Variants in FRK observed in about 807,000 individuals in gnomAD.
The protein encoded by FRK is tyrosine-protein kinase FRK.
A neutral mutation model predicts 56.4 loss-of-function variants in FRK; 51 were observed. That is an observed-to-expected ratio of 0.90 (90% confidence interval 0.72 to 1.14). FRK has a LOEUF of 1.14. Ranked by LOEUF, FRK falls within the 50% of genes most tolerant of loss-of-function variation. The pLI, the probability that FRK is intolerant of heterozygous loss-of-function variation, is 0.00. For missense variants in FRK, 570 were observed against 601.4 expected, an observed-to-expected ratio of 0.95 and a Z score of 0.55; for synonymous variants, 245 against 217.9, an observed-to-expected ratio of 1.12 and a Z score of -1.10.
At chr6:115,949,235 G>A (rs928906285) in intron 5 of FRK, among the ~76,000 whole-genome samples, 2 of 150,376 alleles carry the variant, frequency 1.3e-5, no homozygotes, top group Non-Finnish European at 3.0e-5. Flanking sequence ...TACAAATAGC[G>A]ATAATATGAC....
At chr6:115,963,081 A>AAC (rs1773446316) in intron 4 of FRK, among the ~76,000 whole-genome samples, 2 of 57,322 alleles carry the variant, frequency 3.5e-5, no homozygotes, top group Non-Finnish European at 7.1e-5. Context: ...ACACAAAAAA[A>AAC]CCTTCAAAAA....
At chr6:115,954,270 G>T (rs547392457) in intron 5 of FRK, among the ~76,000 whole-genome samples, 1 of 152,202 alleles carries the variant, frequency 6.6e-6, no homozygotes, top group East Asian at 1.9e-4. Flanking sequence ...GATGAGATCC[G>T]AGAGGGAATA....
intron 2 of FRK, among the ~76,000 whole-genome samples, chr6:115,978,376 G>A (rs1774063070): frequency 6.6e-6 from 1 of 152,056 alleles, no homozygotes; most frequent in Non-Finnish European, 1.5e-5. Flanking sequence ...GTAGATGAAG[G>A]AAATAAGACA....
chr6:116,092,392 G>A, the FRK span, among the ~76,000 whole-genome samples: 1 of 152,110 alleles, frequency 6.6e-6, no homozygotes, highest in African/African-American at 2.4e-5. Flanking sequence ...CATTTTTGGG[G>A]CATAACATCT....
chr6:116,085,747 A>C, the FRK span, among the ~76,000 whole-genome samples: 1 of 152,142 alleles, frequency 6.6e-6, no homozygotes, highest in Non-Finnish European at 1.5e-5. Context: ...CCACAGAGAG[A>C]GAGGGAGAGA....
the FRK span, among the ~76,000 whole-genome samples, chr6:116,082,319 A>T: frequency 6.6e-6 from 1 of 152,228 alleles, no homozygotes; most frequent in South Asian, 2.1e-4. Flanking sequence ...GGAAGGATAT[A>T]AACAGAAGGC....
chr6:116,062,970 GCCT>G (rs1562313157), upstream of FRK, among the ~76,000 whole-genome samples: 1 of 152,176 alleles, frequency 6.6e-6, no homozygotes, highest in East Asian at 1.9e-4. Context: ...TATTCCAGAG[GCCT>G]CCTAACTGAT....
intron 2 of FRK, among the ~76,000 whole-genome samples, chr6:116,000,299 A>G (rs1402607796): frequency 7.9e-6 from 1 of 126,790 alleles, no homozygotes; most frequent in Non-Finnish European, 1.6e-5. Context: ...ATGGAGTACA[A>G]TGGCGTGACC....
intron 2 of FRK, among the ~76,000 whole-genome samples, chr6:115,989,500 G>T (rs182928157): frequency 6.6e-6 from 1 of 151,840 alleles, no homozygotes; most frequent in Non-Finnish European, 1.5e-5. Flanking sequence ...TTATGTTCAT[G>T]TACCCATGGT....
In FRK at chr6:115,936,297, C is replaced by A. The variant is rs939500371; in HGVS notation, c.*6117G>T. 2 of 152,108 alleles carry A rather than the reference C, an allele frequency of 1.3e-5. No individual in the cohort carries two copies. Among genetic ancestry groups the A allele is most frequent in the African/African-American group, 4.8e-5 (2 of 41,414 alleles). The allele number at this position is 152,108 out of a possible 1,614,324, so 9.4% of individuals were successfully genotyped here. ...TAACAAACAGAAAGGAATAGTATGT[C>A]CACTCAGAGACCCCATCCGAACATC... is the stretch of plus-strand genomic sequence containing the variant. On this transcript the variant is annotated 3_prime_UTR_variant, in exon 8 of 8. Transcript: ENST00000606080.
chr6:116,004,094 G>T, intron 1 of FRK, 96 bp from the exon 2 acceptor site: 1 of 1,109,152 alleles, frequency 9.0e-7, no homozygotes. Context: ...TATCAAAAAT[G>T]TTTGGTATTC....
At chr6:116,052,755 T>C (rs1161319399) in intron 1 of FRK, among the ~76,000 whole-genome samples, 1 of 151,858 alleles carries the variant, frequency 6.6e-6, no homozygotes, top group Non-Finnish European at 1.5e-5. Context: ...AGGCTGCAGG[T>C]GAGGGAGAGT....
intron 2 of FRK, among the ~76,000 whole-genome samples, chr6:115,976,266 T>C (rs1249780506): frequency 1.3e-5 from 2 of 152,140 alleles, no homozygotes; most frequent in Non-Finnish European, 2.9e-5. Flanking sequence ...GATTTTATCA[T>C]AAAGCACTTT....
At chr6:116,082,982 A>G in the FRK span, among the ~76,000 whole-genome samples, 2 of 152,220 alleles carry the variant, frequency 1.3e-5, no homozygotes, top group Admixed American at 1.3e-4. Context: ...CATCAAGAAG[A>G]TGAGGAAGTT....
At chr6:116,087,691 T>C in the FRK span, among the ~76,000 whole-genome samples, 1 of 152,234 alleles carries the variant, frequency 6.6e-6, no homozygotes, top group African/African-American at 2.4e-5. Flanking sequence ...GGAGACACCA[T>C]TCCCAGCCTA....
At position 115,934,663 on chromosome 6, in the gene FRK, G is replaced by C. The variant is rs1041580803; in HGVS notation, c.*7751C>G. ...TTCTTGTTTAATCTACTTTGAATTT[G>C]GGTTTCTGTAACTGTTTAGATAGGC... On this transcript the variant is annotated 3_prime_UTR_variant, in exon 8 of 8. Transcript: ENST00000606080. 2 of 152,168 alleles carry C rather than the reference G, an allele frequency of 1.3e-5. No individual in the cohort carries two copies. The highest frequency in any genetic ancestry group is 1.9e-4 in the East Asian group (1 of 5,190). 9.4% of individuals were successfully genotyped at this position (152,168 alleles called of 1,614,324 possible). A position where few individuals can be genotyped will look rare whatever the true frequency, so the allele number is the denominator to read the frequency against.
intron 1 of FRK, among the ~76,000 whole-genome samples, chr6:116,005,660 A>C (rs887352855): frequency 6.6e-6 from 1 of 152,224 alleles, no homozygotes; most frequent in Non-Finnish European, 1.5e-5. Flanking sequence ...AAACCATGGA[A>C]GTCATGGAAA....
chr6:116,080,623 T>A, the FRK span, among the ~76,000 whole-genome samples: 1 of 152,150 alleles, frequency 6.6e-6, no homozygotes, highest in Non-Finnish European at 1.5e-5. Context: ...GACAATGGAT[T>A]AATATTTATA....
chr6:115,964,903 A>T (rs201329583), intron 4 of FRK, among the ~76,000 whole-genome samples: 945 of 20,376 alleles, frequency 0.046, 66 homozygotes, highest in Admixed American at 0.2. Flanking sequence ...TCAATTCAAG[A>T]TGGATTAAAG....
Sources: gnomAD v4.1 joint callset for allele counts (sites outside exome capture counted in the v4.1 genomes callset) on GRCh38, gnomAD v4.1.1 for gene constraint, MANE v1.5 for transcripts, NCBI Gene and HGNC (gene_info 2026-07-23, HGNC 2026-07-21) for gene names.